The following LYPLAL1 variants were observed in gnomAD, a reference collection of about 807,000 sequenced individuals.
LYPLAL1 encodes the protein lysophospholipase-like protein 1.
LYPLAL1 carries 23 observed loss-of-function variants against 19.7 expected under a neutral mutation model. The ratio of observed to expected loss-of-function variants is 1.17; its 90% CI spans 0.84 to 1.65. The LOEUF is 1.65. Ranked by LOEUF, LYPLAL1 falls within the 40% of genes most tolerant of loss-of-function variation. The pLI is 0.00. For missense variants in LYPLAL1, 355 were observed against 279.4 expected, an observed-to-expected ratio of 1.27 and a Z score of -1.93; for synonymous variants, 119 against 96.3, an observed-to-expected ratio of 1.24 and a Z score of -1.38.
downstream of LYPLAL1, among the ~76,000 whole-genome samples, chr1:219,216,778 A>G (rs957499438): frequency 1.2e-4 from 18 of 152,208 alleles, no homozygotes; most frequent in African/African-American, 3.6e-4. Flanking sequence ...CAGTATCCTC[A>G]TGGCCCCAGC....
chr1:219,229,294 T>TGAGAGAGAGAGAGAGAGA, the LYPLAL1 span, among the ~76,000 whole-genome samples: 80 of 133,020 alleles, frequency 6.0e-4, 1 homozygote, highest in African/African-American at 1.5e-3. Context: ...ACAAGCATTT[T>TGAGAGAGAGAGAGAGAGA]GAGAGAGAGA....
the LYPLAL1 span, among the ~76,000 whole-genome samples, chr1:219,286,890 C>CT: frequency 1.2e-4 from 19 of 152,138 alleles, no homozygotes; most frequent in African/African-American, 4.6e-4. Context: ...TTTGCTTTCA[C>CT]TTTTTTCCAT....
At chr1:219,372,568 A>G in the LYPLAL1 span, among the ~76,000 whole-genome samples, 2 of 152,188 alleles carry the variant, frequency 1.3e-5, no homozygotes, top group South Asian at 2.1e-4. Flanking sequence ...GTGCTGATGT[A>G]TAGTAAATGT....
intron 2 of LYPLAL1, among the ~76,000 whole-genome samples, chr1:219,191,414 T>C (rs1390516250): frequency 2.0e-5 from 3 of 151,558 alleles, no homozygotes; most frequent in Non-Finnish European, 1.5e-5. Context: ...GGATATAATA[T>C]AGCCATTAAA....
the LYPLAL1 span, among the ~76,000 whole-genome samples, chr1:219,320,744 T>C: frequency 1.3e-5 from 2 of 152,236 alleles, no homozygotes; most frequent in Non-Finnish European, 2.9e-5. Flanking sequence ...TCCAGCTTCA[T>C]CCATGTCCCT....
chr1:219,350,289 T>C, the LYPLAL1 span, among the ~76,000 whole-genome samples: 1 of 152,210 alleles, frequency 6.6e-6, no homozygotes, highest in Non-Finnish European at 1.5e-5. Context: ...GGTTGTTATT[T>C]TTTTTTTCAA....
chr1:219,228,459 A>G, the LYPLAL1 span, among the ~76,000 whole-genome samples: 3 of 152,030 alleles, frequency 2.0e-5, no homozygotes, highest in African/African-American at 4.8e-5. Flanking sequence ...TCCAATATAG[A>G]AAACGTTCCC....
At chr1:219,445,078 A>C in the LYPLAL1 span, among the ~76,000 whole-genome samples, 6 of 152,134 alleles carry the variant, frequency 3.9e-5, no homozygotes, top group Non-Finnish European at 7.4e-5. Flanking sequence ...TAAAAAAAAA[A>C]AACAAGGACT....
the LYPLAL1 span, among the ~76,000 whole-genome samples, chr1:219,282,448 G>A: frequency 6.7e-6 from 1 of 149,324 alleles, no homozygotes; most frequent in Non-Finnish European, 1.5e-5. Flanking sequence ...GACATTTTCA[G>A]ACTGAAAGAC....
the LYPLAL1 span, among the ~76,000 whole-genome samples, chr1:219,318,632 C>T: frequency 1.3e-5 from 2 of 152,150 alleles, no homozygotes; most frequent in Non-Finnish European, 2.9e-5. Flanking sequence ...GACCACAACC[C>T]ATAATGACTA....
chr1:219,177,553 C>T (rs948461160), intron 1 of LYPLAL1, among the ~76,000 whole-genome samples: 2 of 152,156 alleles, frequency 1.3e-5, no homozygotes, highest in East Asian at 1.9e-4. Context: ...TGTTTCCTGT[C>T]TAGGCAGGTG....
chr1:219,403,197 A>G, the LYPLAL1 span, among the ~76,000 whole-genome samples: 64 of 152,316 alleles, frequency 4.2e-4, no homozygotes, highest in African/African-American at 1.5e-3. Flanking sequence ...TGCACATGCC[A>G]GTTTTTGGGT....
At chr1:219,189,146 T>A (rs2125054232) in intron 2 of LYPLAL1, among the ~76,000 whole-genome samples, 1 of 151,832 alleles carries the variant, frequency 6.6e-6, no homozygotes, top group East Asian at 1.9e-4. Flanking sequence ...AGAAAAAAGT[T>A]AAGTGAATGC....
At chr1:219,320,754 T>C in the LYPLAL1 span, among the ~76,000 whole-genome samples, 1 of 152,212 alleles carries the variant, frequency 6.6e-6, no homozygotes, top group Non-Finnish European at 1.5e-5. Context: ...TCCATGTCCC[T>C]ACAAAGGAAA....
the LYPLAL1 span, among the ~76,000 whole-genome samples, chr1:219,242,742 T>TA: frequency 6.6e-6 from 1 of 151,050 alleles, no homozygotes; most frequent in Non-Finnish European, 1.5e-5. Context: ...AATATAGTTG[T>TA]AAAAAATTAA....
the LYPLAL1 span, among the ~76,000 whole-genome samples, chr1:219,315,180 G>A: frequency 2.5e-4 from 38 of 152,250 alleles, no homozygotes; most frequent in East Asian, 3.5e-3. Context: ...TTTAAAAAGC[G>A]TGATATGTTA....
At chr1:219,241,134 C>CTCTATATATATATA in the LYPLAL1 span, among the ~76,000 whole-genome samples, 69 of 44,360 alleles carry the variant, frequency 1.6e-3, no homozygotes, top group Admixed American at 2.1e-3. Context: ...CTCTCTCTCT[C>CTCTATATATATATA]TATATATATA....
the LYPLAL1 span, among the ~76,000 whole-genome samples, chr1:219,392,153 T>C: frequency 6.6e-6 from 1 of 152,130 alleles, no homozygotes; most frequent in Non-Finnish European, 1.5e-5. Flanking sequence ...CGTGAGTAGG[T>C]TCCTCTCAGG....
chr1:219,378,037 TGAG>T, the LYPLAL1 span, among the ~76,000 whole-genome samples: 31 of 152,106 alleles, frequency 2.0e-4, no homozygotes, highest in Non-Finnish European at 4.1e-4. Flanking sequence ...AAACAGATGG[TGAG>T]GAGGATTTGG....
Sources: allele counts gnomAD v4.1 joint callset (sites outside exome capture counted in the v4.1 genomes callset), GRCh38; gene constraint gnomAD v4.1.1; transcripts MANE v1.5; gene names NCBI Gene and HGNC (gene_info 2026-07-23, HGNC 2026-07-21).